The following VAV3 variants were observed in gnomAD, a reference collection of about 807,000 sequenced individuals.
The protein encoded by VAV3 is vav guanine nucleotide exchange factor 3.
VAV3 carries 94 observed loss-of-function variants against 131.2 expected under a neutral mutation model. The ratio of observed to expected loss-of-function variants is 0.72; its 90% confidence interval spans 0.61 to 0.85. The LOEUF (loss-of-function observed/expected upper bound fraction) is 0.85. Among genes scored for constraint, VAV3 ranks in the 40% least tolerant of loss-of-function variants. The pLI, the probability that VAV3 is intolerant of heterozygous loss-of-function variation, is 0.00. For missense variants in VAV3, 939 were observed against 1,002.7 expected (o/e 0.94, Z 0.86); for synonymous variants, 349 against 342.0 (o/e 1.02, Z -0.22).
intron 19 of VAV3, among the ~76,000 whole-genome samples, chr1:107,673,435 C>G (rs2101686628): frequency 6.6e-6 from 1 of 152,276 alleles, no homozygotes; most frequent in South Asian, 2.1e-4. Context: ...GTTCCCTCTG[C>G]CTGCAACCCT....
chr1:107,753,515 T>TATATACACAC (rs1557821909), intron 12 of VAV3, among the ~76,000 whole-genome samples: 4 of 42,464 alleles, frequency 9.4e-5, no homozygotes, highest in Non-Finnish European at 2.1e-4. Flanking sequence ...TATACACACA[T>TATATACACAC]ATATATATAT....
intron 25 of VAV3, 36 bp downstream of exon 25, chr1:107,596,176 G>T (rs763547569): frequency 7.9e-5 from 126 of 1,593,140 alleles, no homozygotes; most frequent in Non-Finnish European, 1.1e-4. Context: ...TAATTTTTAA[G>T]TGACAGCAAA....
At chr1:107,613,383 T>C (rs986170267) in intron 21 of VAV3, among the ~76,000 whole-genome samples, 2 of 152,110 alleles carry the variant, frequency 1.3e-5, no homozygotes, top group Admixed American at 1.3e-4. Context: ...CCATTTTCTG[T>C]TTTATTTTTA....
At chr1:107,587,383 T>A (rs1650583197) in intron 25 of VAV3, among the ~76,000 whole-genome samples, 1 of 152,190 alleles carries the variant, frequency 6.6e-6, no homozygotes, top group Admixed American at 6.5e-5. Flanking sequence ...TCAGCATTGA[T>A]CCTCATAACT....
chr1:107,648,254 C>A (rs1655885876), intron 19 of VAV3, among the ~76,000 whole-genome samples: 1 of 152,054 alleles, frequency 6.6e-6, no homozygotes, highest in Non-Finnish European at 1.5e-5. Context: ...CCTTCAACTT[C>A]ATAACCACTG....
chr1:107,817,411 G>A (rs1241169824), intron 2 of VAV3, among the ~76,000 whole-genome samples: 2 of 152,000 alleles, frequency 1.3e-5, no homozygotes, highest in Non-Finnish European at 2.9e-5. Flanking sequence ...GCTGAGTGTT[G>A]GAAAAGATAA....
intron 2 of VAV3, among the ~76,000 whole-genome samples, chr1:107,798,433 C>T (rs1025880905): frequency 6.6e-5 from 10 of 151,940 alleles, no homozygotes; most frequent in African/African-American, 2.2e-4. Context: ...AGAACATGCA[C>T]CGAGGCCAGG....
intron 1 of VAV3, among the ~76,000 whole-genome samples, chr1:107,931,488 C>T (rs527942787): frequency 1.8e-4 from 27 of 152,078 alleles, no homozygotes; most frequent in Admixed American, 3.3e-4. Flanking sequence ...CCTAGATAAC[C>T]GTTGAATCCA....
chr1:107,576,470 AG>A (rs1297385376), intron 25 of VAV3: 2 of 1,505,950 alleles, frequency 1.3e-6, no homozygotes, highest in Non-Finnish European at 1.8e-6. Context: ...CAGAACAAAG[AG>A]GGGGCTTTGA....
At chr1:107,790,445 G>C (rs747013881) in intron 2 of VAV3, among the ~76,000 whole-genome samples, 1 of 152,156 alleles carries the variant, frequency 6.6e-6, no homozygotes, top group Non-Finnish European at 1.5e-5. Flanking sequence ...TCACAAAAAT[G>C]CACATACGTG....
At chr1:107,584,610 G>A (rs987393352) in intron 25 of VAV3, among the ~76,000 whole-genome samples, 2 of 152,004 alleles carry the variant, frequency 1.3e-5, no homozygotes, top group African/African-American at 4.8e-5. Flanking sequence ...AAAAAACTAG[G>A]AATAATTTAG....
At chr1:107,595,553 C>T (rs1462107313) in intron 25 of VAV3, among the ~76,000 whole-genome samples, 2 of 152,022 alleles carry the variant, frequency 1.3e-5, no homozygotes, top group Admixed American at 1.3e-4. Flanking sequence ...TGACATTTTT[C>T]AATTTTTTTG....
chr1:107,717,508 T>G (rs1454723752), intron 15 of VAV3, among the ~76,000 whole-genome samples: 1 of 152,208 alleles, frequency 6.6e-6, no homozygotes, highest in Admixed American at 6.5e-5. Context: ...CAGGAGTCAT[T>G]CAGGAGCAGG....
At chr1:107,585,120 A>T (rs1650379783) in intron 25 of VAV3, among the ~76,000 whole-genome samples, 1 of 152,228 alleles carries the variant, frequency 6.6e-6, no homozygotes, top group African/African-American at 2.4e-5. Flanking sequence ...CCTCAACACA[A>T]AACAAAACCT....
intron 2 of VAV3, among the ~76,000 whole-genome samples, chr1:107,847,518 G>A (rs562598539): frequency 7.9e-5 from 12 of 151,988 alleles, no homozygotes; most frequent in South Asian, 4.2e-4. Flanking sequence ...AAAATAGACC[G>A]CTAGCCACAC....
chr1:107,952,024 T>G (rs1445575547), intron 1 of VAV3, among the ~76,000 whole-genome samples: 2 of 152,154 alleles, frequency 1.3e-5, no homozygotes, highest in African/African-American at 4.8e-5. Context: ...CGTACACATA[T>G]GTTCACTACA....
intron 2 of VAV3, among the ~76,000 whole-genome samples, chr1:107,842,682 T>G (rs1475940848): frequency 6.6e-6 from 1 of 152,148 alleles, no homozygotes; most frequent in African/African-American, 2.4e-5. Flanking sequence ...AGTTTGGGTG[T>G]CCTTGGTTTT....
chr1:107,755,316 A>T (rs1664035697), intron 12 of VAV3, 111 bp downstream of exon 12: 3 of 819,460 alleles, frequency 3.7e-6, no homozygotes, highest in Non-Finnish European at 5.9e-6. Flanking sequence ...GACTGGCAAC[A>T]ACCTCCAACA....
At chr1:107,744,331 G>A (rs548044654) in intron 15 of VAV3, among the ~76,000 whole-genome samples, 25 of 152,264 alleles carry the variant, frequency 1.6e-4, no homozygotes, top group East Asian at 1.5e-3. Context: ...TTACACAGTC[G>A]AGAAATCTTA....
Sources: gnomAD v4.1 joint callset for allele counts (sites outside exome capture counted in the v4.1 genomes callset) on GRCh38, gnomAD v4.1.1 for gene constraint, MANE v1.5 for transcripts, NCBI Gene and HGNC (gene_info 2026-07-23, HGNC 2026-07-21) for gene names.